The following TMEM44 variants were observed in gnomAD, a reference collection of about 807,000 sequenced individuals.
The protein encoded by TMEM44 is transmembrane protein 44.
A neutral mutation model predicts 47.8 loss-of-function variants in TMEM44; 43 were observed. The ratio of observed to expected loss-of-function variants is 0.90; its 90% CI spans 0.70 to 1.16. TMEM44 has a LOEUF of 1.16. TMEM44 is among the 50% of genes most tolerant of loss of function. The pLI, the probability that TMEM44 is intolerant of heterozygous loss-of-function variation, is 0.00. For synonymous variants in TMEM44, 277 were observed against 238.8 expected (o/e 1.16, Z -1.48); for missense variants, 568 against 555.2 (o/e 1.02, Z -0.23).
chr3:194,633,283 C>G lies in TMEM44; in HGVS notation c.-68G>C. On this transcript the variant is annotated 5_prime_UTR_variant, in exon 1 of 10. Transcript: ENST00000347147. The stretch of plus-strand genomic sequence containing the variant: ...AGCCTCCCTCGCCGCGGGCAAGCCC[C>G]GAGCGCCGCCGCCCCGCGTGCCCTT... 3.8e-6 allele frequency: 3 copies of G among 790,212 alleles called. No individual in the cohort carries two copies. The highest frequency in any genetic ancestry group is 4.7e-6 in the Non-Finnish European group (3 of 641,142). The allele number at this position is 790,212 out of a possible 1,614,324, so 49.0% of individuals were successfully genotyped here. A position where few individuals can be genotyped will look rare whatever the true frequency, so the allele number is the denominator to read the frequency against.
intron 7 of TMEM44, among the ~76,000 whole-genome samples, chr3:194,613,168 T>TTTTA (rs879642728): frequency 5.9e-4 from 90 of 152,068 alleles, no homozygotes; most frequent in African/African-American, 1.9e-3. Context: ...TATTTTTTAT[T>TTTTA]TTTATTTATT....
intron 1 of TMEM44, among the ~76,000 whole-genome samples, chr3:194,631,789 G>C (rs1717855091): frequency 6.6e-6 from 1 of 152,160 alleles, no homozygotes; most frequent in Non-Finnish European, 1.5e-5. Context: ...CCACTCCGAA[G>C]ACACATTCTT....
intron 1 of TMEM44, chr3:194,632,829 G>C: frequency 1.9e-6 from 1 of 521,750 alleles, no homozygotes; most frequent in Non-Finnish European, 3.3e-6. Flanking sequence ...AGGGCTCGCG[G>C]TGTCCTCGGG....
intron 9 of TMEM44, among the ~76,000 whole-genome samples, chr3:194,603,259 T>C (rs1560168247): frequency 6.6e-6 from 1 of 152,214 alleles, no homozygotes; most frequent in Non-Finnish European, 1.5e-5. Context: ...AAGCTCAAAA[T>C]GAGGTAAAGT....
intron 8 of TMEM44, among the ~76,000 whole-genome samples, chr3:194,608,168 G>A (rs1577183800): frequency 1.3e-5 from 2 of 152,314 alleles, no homozygotes; most frequent in South Asian, 2.1e-4. Context: ...CCCTCCCTTC[G>A]GAAGGATGGT....
intron 9 of TMEM44, among the ~76,000 whole-genome samples, chr3:194,595,551 A>G: frequency 6.6e-6 from 1 of 151,820 alleles, no homozygotes. Flanking sequence ...GGGAGGTGAG[A>G]TGGTGCTCGA....
At chr3:194,617,365 C>A in intron 5 of TMEM44, 96 bp from the exon 6 acceptor site, 1 of 1,346,978 alleles carries the variant, frequency 7.4e-7, no homozygotes, top group Non-Finnish European at 9.9e-7. Context: ...AAGCCCTCTG[C>A]CTGCAGCCAG....
rs1393182029 is a variant in TMEM44, at chr3:194,623,296, G to T, written c.540C>A (p.Ile180=). 1 of 1,608,482 alleles carries T rather than the reference G, an allele frequency of 6.2e-7. No individual in the cohort carries two copies. The highest frequency in any genetic ancestry group is 8.5e-7 in the Non-Finnish European group (1 of 1,177,432). The stretch of plus-strand genomic sequence containing the variant: ...CAACGCTACCCAGCAGGTAGCCGAG[G>T]ATCTCAGTATTTTCCTGCAAGAACG... The part of the protein sequence containing the change: ...LASLLQENTE[I]LGYLLGSVAA... The change falls in exon 5 of 10, where the codon ATC becomes ATA. Residue 180 remains isoleucine (I), a synonymous_variant. Transcript: ENST00000347147.
At chr3:194,595,914 C>T (rs4635649) in intron 9 of TMEM44, among the ~76,000 whole-genome samples, 64,046 of 151,920 alleles carry the variant, frequency 0.42, 14,324 homozygotes, top group East Asian at 0.77. Flanking sequence ...CGTGAGCCAC[C>T]GCACCCGGCT....
At chr3:194,630,036 C>T (rs567288852) in intron 1 of TMEM44, among the ~76,000 whole-genome samples, 1 of 93,488 alleles carries the variant, frequency 1.1e-5, no homozygotes, top group Non-Finnish European at 2.1e-5. Context: ...CTGTTTCCAT[C>T]GGCGTCACTG....
intron 1 of TMEM44, among the ~76,000 whole-genome samples, chr3:194,630,985 T>C (rs1397565261): frequency 7.1e-6 from 1 of 139,906 alleles, no homozygotes; most frequent in Non-Finnish European, 1.5e-5. Flanking sequence ...ATAGGGCCTC[T>C]GAAATAATAC....
chr3:194,604,184 C>T lies in TMEM44; in HGVS notation c.1176+103G>A, dbSNP rs183845831. On this transcript the variant is annotated intron_variant, in intron 9 of 9. Coordinates refer to ENST00000347147, the MANE Select transcript of TMEM44 (RefSeq NM_001011655.3). ...CATTATTTAGCAGGTATGAGGTTAA[C>T]GTGGATAAGATGAGAACAGCTGCAC... is the stretch of plus-strand genomic sequence containing the variant. 2.2e-4 allele frequency: 310 copies of T among 1,410,206 alleles called. 3 individuals are homozygous for T. The African/African-American group carries it at 3.2e-3, about 15-fold the overall frequency. The allele number at this position is 1,410,206 out of a possible 1,614,324, so 87.4% of individuals were successfully genotyped here.
intron 8 of TMEM44, among the ~76,000 whole-genome samples, chr3:194,608,741 CTA>C (rs1715019074): frequency 6.6e-6 from 1 of 152,168 alleles, no homozygotes; most frequent in African/African-American, 2.4e-5. Flanking sequence ...TGGGGTCTCG[CTA>C]TGTGGTCCAG....
chr3:194,625,443 T>TGC (rs61126213), intron 3 of TMEM44, among the ~76,000 whole-genome samples: 1 of 114,246 alleles, frequency 8.8e-6, no homozygotes, highest in Non-Finnish European at 1.8e-5. Flanking sequence ...GGGGGGGGGG[T>TGC]TGTTTTTGTT....
At chr3:194,612,895 G>A (rs935219603) in intron 7 of TMEM44, among the ~76,000 whole-genome samples, 1 of 151,836 alleles carries the variant, frequency 6.6e-6, no homozygotes, top group East Asian at 1.9e-4. Flanking sequence ...CTCGTGATCC[G>A]CCCGCCTCTG....
At chr3:194,599,354 G>T (rs537745147) in intron 9 of TMEM44, among the ~76,000 whole-genome samples, 1 of 152,106 alleles carries the variant, frequency 6.6e-6, no homozygotes. Flanking sequence ...ACAGCCAGGC[G>T]AAGTGTGGTG....
chr3:194,629,942 C>T (rs1334966757), intron 1 of TMEM44, among the ~76,000 whole-genome samples: 26 of 61,650 alleles, frequency 4.2e-4, no homozygotes, highest in South Asian at 1.0e-3. Flanking sequence ...TACTGCCTCC[C>T]GAAGGGGCTG....
At chr3:194,632,869 C>G (rs1717963149) in intron 1 of TMEM44, 1 of 857,934 alleles carries the variant, frequency 1.2e-6, no homozygotes, top group East Asian at 3.5e-5. Flanking sequence ...CCAGCCTCCT[C>G]CCTTTGGCTC....
intron 5 of TMEM44, among the ~76,000 whole-genome samples, chr3:194,621,094 T>G (rs1389438034): frequency 2.0e-5 from 3 of 149,730 alleles, no homozygotes; most frequent in Non-Finnish European, 3.0e-5. Context: ...TATTTGGAAA[T>G]AGGGTCTTTG....
Sources: allele counts gnomAD v4.1 joint callset (sites outside exome capture counted in the v4.1 genomes callset), GRCh38; gene constraint gnomAD v4.1.1; transcripts MANE v1.5; gene names NCBI Gene and HGNC (gene_info 2026-07-23, HGNC 2026-07-21).